CACNA1S: variants seen among roughly 807,000 people sequenced by gnomAD.
The protein encoded by CACNA1S is voltage-dependent L-type calcium channel subunit alpha-1S.
Under a neutral mutation model 207.4 loss-of-function variants are expected in CACNA1S, and 126 were observed. The observed-to-expected ratio is 0.61, with a 90% confidence interval of 0.53 to 0.70. The LOEUF is 0.70. Among genes scored for constraint, CACNA1S ranks in the 30% least tolerant of loss-of-function variants. CACNA1S has a pLI of 0.00. For synonymous variants in CACNA1S, 960 were observed against 932.7 expected (o/e 1.03, Z -0.53); for missense variants, 2,349 against 2,422.8 (o/e 0.97, Z 0.64).
Position 201,051,737 on chromosome 1 carries a change from C to T in CACNA1S, c.3954-594G>A, listed in dbSNP as rs992425008. Among the ~76,000 whole-genome samples the T allele has an allele frequency of 2.6e-5, 4 of 152,232 alleles. No homozygotes were observed. The South Asian group carries it at 8.3e-4, about 32-fold the overall frequency. On this transcript the variant is annotated intron_variant, in intron 32 of 43. Coordinates refer to ENST00000362061, the MANE Select transcript of CACNA1S (RefSeq NM_000069.3). ...AGTGTCTCCTCTAGTCACATTCAGC[C>T]AGACTACATAACTTCCCACTCCTTT... is the stretch of plus-strand genomic sequence containing the variant.
At chr1:201,096,838 A>G (rs545427605) in intron 2 of CACNA1S, among the ~76,000 whole-genome samples, 8 of 152,316 alleles carry the variant, frequency 5.3e-5, no homozygotes, top group Admixed American at 3.9e-4. Flanking sequence ...TTTTCTGCCT[A>G]CACTGTGTTC....
chr1:201,083,662 C>T (rs965723039), intron 9 of CACNA1S, among the ~76,000 whole-genome samples: 1 of 152,228 alleles, frequency 6.6e-6, no homozygotes, highest in African/African-American at 2.4e-5. Flanking sequence ...TCAAAGGCCA[C>T]TCTTCAACAA....
chr1:201,042,944 C>A (rs1168757453), intron 40 of CACNA1S: 1 of 317,622 alleles, frequency 3.1e-6, no homozygotes, highest in Non-Finnish European at 6.1e-6. Context: ...TTATTGTCCA[C>A]AGTCTTTTGT....
rs1553252533 is a variant in CACNA1S at position 201,089,284 on chromosome 1, C to A, written c.874G>T (p.Glu292Ter). 6.2e-7 allele frequency: 1 copy of A among 1,614,260 alleles called. No individual in the cohort carries two copies. Among genetic ancestry groups the A allele is most frequent in the Non-Finnish European group, 8.5e-7 (1 of 1,180,046 alleles). ...CAGTAAAGGACGTCAGTCCATCCCT[C>A]CATGGTAATGCACTGGTACACGGTG... The part of the protein sequence containing the change: ...MLTVYQCITM[E>*]GWTDVLYWVN... Residue 292 changes from glutamate to a stop codon, truncating the protein, a stop_gained, in exon 6 of 44, where the codon GAG becomes TAG. Coordinates refer to ENST00000362061, the MANE Select transcript of CACNA1S (RefSeq NM_000069.3). LOFTEE classifies it high-confidence loss of function.
At chr1:201,111,492 A>G (rs937232199) in intron 1 of CACNA1S, among the ~76,000 whole-genome samples, 1 of 152,050 alleles carries the variant, frequency 6.6e-6, no homozygotes, top group Non-Finnish European at 1.5e-5. Flanking sequence ...CCCTGTCCCC[A>G]GGGTGGCACG....
intron 17 of CACNA1S, 58 bp from the exon 18 acceptor site, chr1:201,069,659 C>G: frequency 1.3e-6 from 2 of 1,543,488 alleles, no homozygotes; most frequent in East Asian, 4.9e-5. Flanking sequence ...GCTCAGGCCT[C>G]ATCAGCCTCC....
In CACNA1S at chr1:201,081,495, G is replaced by C. The variant is rs57545310; in HGVS notation, c.1393+1667C>G. ...AGGTGAACATCTACCATGTGGACGAGGCCGACTCACTGACCTTCCACCAAG... is the reference window on the plus strand; with the variant it reads ...AGGTGAACATCTACCATGTGGACGACGCCGACTCACTGACCTTCCACCAAG... On this transcript the variant is annotated intron_variant, in intron 10 of 43. Transcript: ENST00000362061. Among the ~76,000 whole-genome samples the C allele has an allele frequency of 2.4e-3, 364 of 152,272 alleles. 2 individuals carry two copies. Among genetic ancestry groups the C allele is most frequent in the Non-Finnish European group, 3.7e-3 (251 of 68,012 alleles).
chr1:201,052,894 C>T (rs907428353), intron 31 of CACNA1S, among the ~76,000 whole-genome samples: 2 of 151,948 alleles, frequency 1.3e-5, no homozygotes, highest in Non-Finnish European at 2.9e-5. Flanking sequence ...CAAGCAGACC[C>T]GGTAAGTCAA....
intron 39 of CACNA1S, among the ~76,000 whole-genome samples, 192 bp from the exon 40 acceptor site, chr1:201,043,723 G>A (rs1331787441): frequency 2.0e-5 from 3 of 152,136 alleles, no homozygotes; most frequent in Non-Finnish European, 4.4e-5. Flanking sequence ...TTTGTTTGAT[G>A]GGGTAGACAG....
At chr1:201,101,695 G>A (rs149686100) in intron 2 of CACNA1S, among the ~76,000 whole-genome samples, 34 of 152,350 alleles carry the variant, frequency 2.2e-4, no homozygotes, top group African/African-American at 7.9e-4. Flanking sequence ...TTGGGAGCAT[G>A]CAGGATGAAC....
At chr1:201,065,992 C>A (rs1450035907) in intron 21 of CACNA1S, 47 bp from the exon 22 acceptor site, 3 of 1,351,926 alleles carry the variant, frequency 2.2e-6, no homozygotes, top group East Asian at 2.4e-5. Flanking sequence ...CCCACAGTAA[C>A]CCTGCTAGCC....
chr1:201,050,410 G>A lies in CACNA1S; in HGVS notation c.4220C>T (p.Ala1407Val), dbSNP rs745623415. The A allele has an allele frequency of 6.2e-7, 1 of 1,614,096 alleles. No homozygotes were observed. The highest frequency in any genetic ancestry group is 1.1e-5 in the South Asian group (1 of 91,084). The change falls in exon 34 of 44, where the codon GCA (alanine) becomes GTA (valine). Residue 1407 changes from alanine to valine, a missense_variant. Ala to Val is a moderately conservative substitution (Grantham distance 64). Transcript: ENST00000362061. ...HHLDEFKAIW[A>V]EYDPEAKGRI... ...TCACTTAGCCTCTGGGTCATACTCT[G>A]CCCAGATGGCCTTGAACTCATCCAG...
rs1364369159 is a variant in CACNA1S at position 201,039,900 on chromosome 1, G to A, written c.5553C>T (p.Leu1851=). 4 of 1,613,512 alleles carry A rather than the reference G, an allele frequency of 2.5e-6. No individual in the cohort carries two copies. The highest frequency in any genetic ancestry group is 2.7e-5 in the African/African-American group (2 of 75,044). Residue 1851 remains leucine, a synonymous_variant, in exon 44 of 44, where the codon CTC becomes CTT. Transcript: ENST00000362061. Reference sequence around the variant, plus strand: ...GGTCGAGGCTGCCCAGGGAGGACCCGAGGTTCAGGCATCCCAGGGAGCTGG... The same window carrying A: ...GGTCGAGGCTGCCCAGGGAGGACCCAAGGTTCAGGCATCCCAGGGAGCTGG... The part of the protein sequence containing the change: ...GMASSLGCLN[L]GSSLGSLDQH...
chr1:201,047,445 C>A, intron 37 of CACNA1S, 80 bp downstream of exon 37: 1 of 1,340,876 alleles, frequency 7.5e-7, no homozygotes, highest in African/African-American at 1.4e-5. Context: ...TTCTCAGATT[C>A]CCATGGGGCT....
intron 28 of CACNA1S, among the ~76,000 whole-genome samples, chr1:201,057,689 C>T (rs1365682716): frequency 2.6e-5 from 4 of 152,262 alleles, no homozygotes; most frequent in East Asian, 1.9e-4. Flanking sequence ...GGGCTCAGCG[C>T]GGTGGCTCAC....
intron 28 of CACNA1S, among the ~76,000 whole-genome samples, chr1:201,057,989 C>G (rs1023353662): frequency 6.6e-6 from 1 of 152,180 alleles, no homozygotes; most frequent in African/African-American, 2.4e-5. Context: ...CTGGACCACT[C>G]AGCATGCCCT....
intron 5 of CACNA1S, among the ~76,000 whole-genome samples, chr1:201,089,751 T>G (rs1260612445): frequency 1.3e-5 from 2 of 151,870 alleles, no homozygotes; most frequent in Non-Finnish European, 2.9e-5. Flanking sequence ...GAAAGAGGAG[T>G]AATCTGAGTG....
intron 10 of CACNA1S, among the ~76,000 whole-genome samples, chr1:201,080,794 C>T (rs1216061933): frequency 6.6e-6 from 1 of 152,070 alleles, no homozygotes; most frequent in Non-Finnish European, 1.5e-5. Context: ...TCAGGAAACA[C>T]TTTTCCCTTC....
intron 21 of CACNA1S, 33 bp from the exon 22 acceptor site, chr1:201,065,978 T>C: frequency 6.8e-7 from 1 of 1,465,974 alleles, no homozygotes. Flanking sequence ...GGACTGGGGG[T>C]GCACCCACAG....
Sources: gnomAD v4.1 joint callset for allele counts (sites outside exome capture counted in the v4.1 genomes callset) on GRCh38, gnomAD v4.1.1 for gene constraint, MANE v1.5 for transcripts, NCBI Gene and HGNC (gene_info 2026-07-23, HGNC 2026-07-21) for gene names.